Variants in CARD9 observed in about 807,000 individuals in gnomAD.
CARD9 encodes caspase recruitment domain-containing protein 9.
Under a neutral mutation model 66.0 loss-of-function variants are expected in CARD9, and 53 were observed. That is an observed-to-expected ratio of 0.80 (90% CI 0.64 to 1.01). The LOEUF is 1.01. CARD9 is among the 50% of genes least tolerant of loss of function. The pLI is 0.00. For missense variants in CARD9, 769 were observed against 743.2 expected (o/e 1.03, Z -0.40); for synonymous variants, 387 against 313.8 (o/e 1.23, Z -2.47).
At chr9:136,373,459 C>T in intron 1 of CARD9, 73 bp downstream of exon 1, 1 of 978,958 alleles carries the variant, frequency 1.0e-6, no homozygotes, top group Non-Finnish European at 1.2e-6. Flanking sequence ...TCTGGGGGAT[C>T]AGTGCCAGGA....
chr9:136,365,076 C>G, intron 11 of CARD9, 65 bp downstream of exon 11: 3 of 1,505,054 alleles, frequency 2.0e-6, no homozygotes, highest in South Asian at 2.3e-5. Context: ...CAGGGAGCCA[C>G]TCTCCCTGTG....
At position 136,365,086 on chromosome 9, in the gene CARD9, G is replaced by C. The variant is rs183730580; in HGVS notation, c.1434+55C>G. On this transcript the variant is annotated intron_variant, in intron 11 of 12. Transcript: ENST00000371732. ...CAGGGCAGGGAGCCACTCTCCCTGT[G>C]ATCGGTCACCCTGAGGCCCACGGCT... 2.2e-3 allele frequency: 3,415 copies of C among 1,564,434 alleles called. 7 individuals are homozygous for C. Among genetic ancestry groups the C allele is most frequent in the Non-Finnish European group, 2.2e-3 (2,561 of 1,139,838 alleles).
chr9:136,364,679 C>T, intron 11 of CARD9, 120 bp from the exon 12 acceptor site: 2 of 1,007,940 alleles, frequency 2.0e-6, no homozygotes, highest in Non-Finnish European at 2.9e-6. Flanking sequence ...GCCCAGACAG[C>T]CTCAGCTCAG....
chr9:136,372,160 C>T (rs1833293087), intron 1 of CARD9, 66 bp from the exon 2 acceptor site: 1 of 1,582,636 alleles, frequency 6.3e-7, no homozygotes, highest in Non-Finnish European at 8.6e-7. Flanking sequence ...CCAGCTCCCA[C>T]TCCTTCTCAG....
At chr9:136,369,625 C>G (rs957440296) in intron 7 of CARD9, 125 bp downstream of exon 7, 1 of 1,510,352 alleles carries the variant, frequency 6.6e-7, no homozygotes, top group South Asian at 1.2e-5. Context: ...GGTGACATAG[C>G]AAGACCCCAT....
At chr9:136,365,275 G>A (rs897265650) in intron 10 of CARD9, 58 bp from the exon 11 acceptor site, 5 of 1,534,886 alleles carry the variant, frequency 3.3e-6, no homozygotes, top group East Asian at 2.3e-5. Flanking sequence ...CGTATAGCAC[G>A]GCTGCCCCAC....
chr9:136,364,052 T>C lies in CARD9; in HGVS notation c.*250A>G, dbSNP rs1245619338. On this transcript the variant is annotated 3_prime_UTR_variant, in exon 13 of 13. Coordinates refer to ENST00000371732, the MANE Select transcript of CARD9 (RefSeq NM_052813.5). Reference sequence around the variant, plus strand: ...GTGTTACATGGTGAAACAGAACAGATCCTGAAGTTACACAGATGGCGTGTG... The same window carrying C: ...GTGTTACATGGTGAAACAGAACAGACCCTGAAGTTACACAGATGGCGTGTG... 3 of 1,529,584 alleles carry C rather than the reference T, an allele frequency of 2.0e-6. No homozygotes were observed. The East Asian group carries it at 7.3e-5, about 37-fold the overall frequency. The allele number at this position is 1,529,584 out of a possible 1,614,324, so 94.8% of individuals were successfully genotyped here. A position where few individuals can be genotyped will look rare whatever the true frequency, so the allele number is the denominator to read the frequency against.
intron 6 of CARD9, 163 bp downstream of exon 6, chr9:136,370,131 G>C (rs566287931): frequency 7.0e-7 from 1 of 1,431,766 alleles, no homozygotes. Flanking sequence ...GGGGGCAGGC[G>C]GGCAAGGAGA....
chr9:136,371,144 G>A lies in CARD9; in HGVS notation c.324C>T (p.Asp108=), dbSNP rs34971035. Residue 108 remains aspartate (D), a splice_region_variant and synonymous_variant, in exon 4 of 13, where the codon GAC becomes GAT. Transcript: ENST00000371732. ...GAGTCAGGCCTGACTCCCCGGACGC[G>A]TCTGTGGGCCAGGCCAGTGTCAGAT... The part of the protein sequence containing the change: ...EPARVFSMII[D]ASGESGLTQL... 3.2e-4 allele frequency: 514 copies of A among 1,612,136 alleles called. 3 individuals are homozygous for A. The African/African-American group carries it at 5.3e-3, about 17-fold the overall frequency.
chr9:136,372,116 TGA>T, intron 1 of CARD9, 22 bp from the exon 2 acceptor site: 1 of 1,610,394 alleles, frequency 6.2e-7, no homozygotes, highest in Non-Finnish European at 8.5e-7. Context: ...GGGGCAGTGC[TGA>T]GAGCGATGCC....
At chr9:136,366,274 A>T in intron 10 of CARD9, 2 of 166,736 alleles carry the variant, frequency 1.2e-5, no homozygotes, top group Admixed American at 5.7e-5. Context: ...AGCCCCTGCC[A>T]CTGCCTTACC....
In CARD9 at chr9:136,367,738, C is replaced by T. The variant is rs560188869; in HGVS notation, c.1168G>A (p.Glu390Lys). 21 of 1,605,504 alleles carry T rather than the reference C, an allele frequency of 1.3e-5. No individual in the cohort carries two copies. The highest frequency in any genetic ancestry group is 2.2e-5 in the East Asian group (1 of 44,854). ...ALRKQVRELG[E>K]KADELQLQVF... ...TGCAGCTGCAGCTCATCCGCCTTCT[C>T]GCCCAGCTCCCGCACCTGCTTGCGC... Residue 390 changes from glutamate to lysine, a missense_variant, in exon 8 of 13, where the codon GAG becomes AAG. Glu to Lys is a moderately conservative substitution (Grantham distance 56). Coordinates refer to ENST00000371732, the MANE Select transcript of CARD9 (RefSeq NM_052813.5).
At chr9:136,370,497 G>T in intron 5 of CARD9, 25 bp downstream of exon 5, 2 of 1,602,324 alleles carry the variant, frequency 1.2e-6, no homozygotes, top group East Asian at 2.3e-5. Flanking sequence ...TGCCTGGGCT[G>T]CACCTGCCCT....
At chr9:136,371,608 C>G (rs1833276835) in intron 2 of CARD9, 147 bp from the exon 3 acceptor site, 1 of 1,343,368 alleles carries the variant, frequency 7.4e-7, no homozygotes, top group Non-Finnish European at 1.0e-6. Flanking sequence ...CCCTGCGGGT[C>G]TTGGTACTAG....
rs1206801218 is a variant in CARD9 at position 136,365,210 on chromosome 9, A to C, written c.1365T>G (p.Leu455=). 2 of 1,609,064 alleles carry C rather than the reference A, an allele frequency of 1.2e-6. No individual in the cohort carries two copies. The highest frequency in any genetic ancestry group is 2.2e-5 in the South Asian group (2 of 91,062). The change falls in exon 11 of 13, where the codon CTT becomes CTG. Residue 455 remains leucine (L), a synonymous_variant. Transcript: ENST00000371732. ...GCTGTTTCGGGCTCCCCCCGCCGGC[A>C]AGGCAGCCTGGAAAGGAGAGTCGTG... ...EDTQLSDKGC[L]AGGGSPKQPF...
At chr9:136,364,791 G>C (rs943510864) in intron 11 of CARD9, 1 of 605,234 alleles carries the variant, frequency 1.7e-6, no homozygotes, top group South Asian at 2.0e-5. Context: ...GCCAAGCCAC[G>C]GCTCCAGCCT....
At chr9:136,372,655 C>T (rs571913834) in intron 1 of CARD9, among the ~76,000 whole-genome samples, 10 of 152,346 alleles carry the variant, frequency 6.6e-5, no homozygotes, top group South Asian at 4.1e-4. Flanking sequence ...CCCTGACCGA[C>T]GCCTGCTCAC....
intron 7 of CARD9, 107 bp downstream of exon 7, chr9:136,369,643 A>C: frequency 6.6e-7 from 1 of 1,523,380 alleles, no homozygotes; most frequent in Non-Finnish European, 8.8e-7. Context: ...CATCTCAAAA[A>C]CAAATAACAA....
chr9:136,369,919 C>G, intron 6 of CARD9, 44 bp from the exon 7 acceptor site: 1 of 1,606,494 alleles, frequency 6.2e-7, no homozygotes, highest in Middle Eastern at 1.7e-4. Flanking sequence ...TGAGGCCCCC[C>G]ATTCTGGCCC....
Sources: allele counts gnomAD v4.1 joint callset (sites outside exome capture counted in the v4.1 genomes callset), GRCh38; gene constraint gnomAD v4.1.1; transcripts MANE v1.5; gene names NCBI Gene and HGNC (gene_info 2026-07-23, HGNC 2026-07-21).